The following RASA3 variants were observed in gnomAD, a reference collection of about 807,000 sequenced individuals.
RASA3 encodes RAS p21 protein activator 3.
A neutral mutation model predicts 110.0 loss-of-function variants in RASA3; 73 were observed. The ratio of observed to expected loss-of-function variants is 0.66; its 90% CI spans 0.55 to 0.81. RASA3 has a LOEUF of 0.81. Ranked by LOEUF, RASA3 falls within the 30% of genes least tolerant of loss-of-function variation. The pLI is 0.00. For missense variants in RASA3, 976 were observed against 1,113.2 expected (o/e 0.88, Z 1.75); for synonymous variants, 500 against 451.4 (o/e 1.11, Z -1.37).
rs552475915 is a variant in RASA3 at position 114,096,306 on chromosome 13, G to A, written c.56-22469C>T. ...GGATCGGGTCTGAGAGCTGCTCACC[G>A]ACCCATGCCTCCTCTAGCAAATCGC... On this transcript the variant is annotated intron_variant, in intron 1 of 23. Coordinates refer to ENST00000334062, the MANE Select transcript of RASA3 (RefSeq NM_007368.4). This position sits in a 1 kb window ranked among gnomAD's most constrained non-coding sequence, Gnocchi z 5.1. Among the ~76,000 whole-genome samples, 24 of 152,302 alleles carry A rather than the reference G, an allele frequency of 1.6e-4. No individual in the cohort carries two copies. The South Asian group carries it at 3.3e-3, about 21-fold the overall frequency.
intron 1 of RASA3, among the ~76,000 whole-genome samples, chr13:114,082,994 G>C (rs765096535): frequency 2.6e-5 from 4 of 152,184 alleles, no homozygotes; most frequent in Non-Finnish European, 4.4e-5. Context: ...GACAAACAGA[G>C]GCAACGCACC....
At chr13:114,052,902 G>A (rs1387608689) in intron 2 of RASA3, among the ~76,000 whole-genome samples, 3 of 127,104 alleles carry the variant, frequency 2.4e-5, no homozygotes, top group East Asian at 2.2e-4. Context: ...TAGAGTCCTG[G>A]CTCCTGGGGG....
At chr13:114,097,069 G>C (rs2079956112) in intron 1 of RASA3, among the ~76,000 whole-genome samples, 1 of 152,142 alleles carries the variant, frequency 6.6e-6, no homozygotes, top group African/African-American at 2.4e-5. Context: ...TGTCACTGAG[G>C]CTGTGGCACT....
At position 114,020,963 on chromosome 13, in the gene RASA3, G is replaced by C. The variant is rs76403932; in HGVS notation, c.785+441C>G. ...GTGTCAGACCTCACGAGCTGCTCGC[G>C]GCTCAGGGCCCCGCTTTCACCCAGG... On this transcript the variant is annotated intron_variant, in intron 9 of 23. Transcript: ENST00000334062. Among the ~76,000 whole-genome samples the C allele has an allele frequency of 6.1e-5, 9 of 147,826 alleles. 1 individual carries two copies. The highest frequency in any genetic ancestry group is 3.6e-3 in the Middle Eastern group (1 of 280).
At chr13:114,066,481 G>A (rs1431872328) in intron 2 of RASA3, among the ~76,000 whole-genome samples, 2 of 152,162 alleles carry the variant, frequency 1.3e-5, no homozygotes, top group Admixed American at 1.3e-4. Flanking sequence ...TGGGATCCTC[G>A]GTGCGGCCCC....
intron 1 of RASA3, among the ~76,000 whole-genome samples, chr13:114,126,897 G>A (rs904182523): frequency 4.0e-5 from 6 of 151,848 alleles, no homozygotes; most frequent in African/African-American, 1.5e-4. Flanking sequence ...ACGCAGTCTC[G>A]GGTGTCTGAT....
intron 2 of RASA3, among the ~76,000 whole-genome samples, chr13:114,066,039 T>G (rs61973918): frequency 0.14 from 20,528 of 151,764 alleles, 1,784 homozygotes; most frequent in Middle Eastern, 0.21. Flanking sequence ...CCTCGGCTCA[T>G]GGGCTCTGTG....
chr13:114,000,353 G>C (rs2053365663), intron 19 of RASA3, among the ~76,000 whole-genome samples: 1 of 152,124 alleles, frequency 6.6e-6, no homozygotes, highest in African/African-American at 2.4e-5. Context: ...CCTCACAGCT[G>C]CCGTGGCCTC....
intron 1 of RASA3, among the ~76,000 whole-genome samples, chr13:114,089,516 C>A (rs1217126064): frequency 6.6e-6 from 1 of 152,056 alleles, no homozygotes; most frequent in Non-Finnish European, 1.5e-5. Flanking sequence ...TAAGGAACGC[C>A]TTTAGCCCCT....
intron 1 of RASA3, 64 bp from the exon 2 acceptor site, chr13:114,073,901 A>G (rs1337555131): frequency 4.4e-6 from 6 of 1,365,320 alleles, no homozygotes; most frequent in Non-Finnish European, 6.3e-6. Context: ...GCTACATCGC[A>G]GACACGTTTC....
intron 3 of RASA3, among the ~76,000 whole-genome samples, chr13:114,043,750 G>A (rs920655546): frequency 3.3e-5 from 5 of 151,994 alleles, no homozygotes; most frequent in Non-Finnish European, 7.4e-5. Flanking sequence ...CACACCACGT[G>A]GACTCCCTCC....
At chr13:114,050,029 G>A (rs1014094468) in intron 3 of RASA3, among the ~76,000 whole-genome samples, 1 of 152,232 alleles carries the variant, frequency 6.6e-6, no homozygotes, top group East Asian at 1.9e-4. Context: ...GGGGTGCACA[G>A]CGGCTGAGCC....
chr13:114,027,854 G>T lies in RASA3; in HGVS notation c.523C>A (p.Pro175Thr), dbSNP rs866927278. 1 of 1,613,872 alleles carries T rather than the reference G, an allele frequency of 6.2e-7. No homozygotes were observed. Among genetic ancestry groups the T allele is most frequent in the African/African-American group, 1.3e-5 (1 of 75,036 alleles). ...DPYATVTLAGPFRSEAKKTKV... is the reference protein window; with the variant it reads ...DPYATVTLAGTFRSEAKKTKV... ...AAGCGTGAGGCAACTTGCCTGAAGG[G>T]TCCTGCCAGCGTCACGGTGGCGTAG... Residue 175 changes from proline to threonine, a missense_variant, in exon 6 of 24, where the codon CCC becomes ACC. Coordinates refer to ENST00000334062, the MANE Select transcript of RASA3 (RefSeq NM_007368.4).
At chr13:114,080,301 G>A (rs1566559972) in intron 1 of RASA3, among the ~76,000 whole-genome samples, 1 of 152,220 alleles carries the variant, frequency 6.6e-6, no homozygotes, top group Non-Finnish European at 1.5e-5. Flanking sequence ...GGGAGCCCCT[G>A]GCACCAGCGG....
At position 114,052,042 on chromosome 13, in the gene RASA3, C is replaced by G. The variant is rs367848496; in HGVS notation, c.277+10G>C. ...AGAAAAGGGGAAGTAAATGCTCATTCATCACCTACCTATGATGGAATCCCT... is the reference window on the plus strand; with the variant it reads ...AGAAAAGGGGAAGTAAATGCTCATTGATCACCTACCTATGATGGAATCCCT... On this transcript the variant is annotated intron_variant, in intron 3 of 23. Transcript: ENST00000334062. 6.4e-7 allele frequency: 1 copy of G among 1,573,580 alleles called. No homozygotes were observed. Among genetic ancestry groups the G allele is most frequent in the African/African-American group, 1.4e-5 (1 of 74,048 alleles).
intron 2 of RASA3, among the ~76,000 whole-genome samples, chr13:114,064,223 C>G (rs1198443821): frequency 6.6e-6 from 1 of 152,194 alleles, no homozygotes; most frequent in Admixed American, 6.5e-5. Context: ...GCAGAGGCTG[C>G]GAGGCCAGCC....
chr13:113,981,927 G>A (rs946038548), intron 22 of RASA3, 69 bp from the exon 23 acceptor site: 24 of 1,460,352 alleles, frequency 1.6e-5, no homozygotes, highest in Admixed American at 1.3e-4. Flanking sequence ...ACACAGCTGC[G>A]TCGCTGCAGG....
chr13:114,047,578 T>C (rs1190437609), intron 3 of RASA3, among the ~76,000 whole-genome samples: 2 of 152,192 alleles, frequency 1.3e-5, no homozygotes, highest in East Asian at 1.9e-4. Flanking sequence ...AACAGAAACA[T>C]TGTCCACACA....
At chr13:114,034,793 T>C (rs940908085) in intron 4 of RASA3, among the ~76,000 whole-genome samples, 1 of 152,228 alleles carries the variant, frequency 6.6e-6, no homozygotes, top group Non-Finnish European at 1.5e-5. Context: ...AATGAAAGTG[T>C]TACTCATCAA....
Sources: gnomAD v4.1 joint callset for allele counts (sites outside exome capture counted in the v4.1 genomes callset) on GRCh38, gnomAD v4.1.1 for gene constraint, Gnocchi (gnomAD v3.1) non-coding constraint, MANE v1.5 for transcripts, NCBI Gene and HGNC (gene_info 2026-07-23, HGNC 2026-07-21) for gene names.